KHNYN: variants seen among roughly 807,000 people sequenced by gnomAD.
The protein encoded by KHNYN is KH and NYN domain containing.
Under a neutral mutation model 62.7 loss-of-function variants are expected in KHNYN, and 42 were observed. The ratio of observed to expected loss-of-function variants is 0.67; its 90% confidence interval spans 0.52 to 0.87. KHNYN has a LOEUF of 0.87. Ranked by LOEUF, KHNYN falls within the 40% of genes least tolerant of loss-of-function variation. The pLI, the probability that KHNYN is intolerant of heterozygous loss-of-function variation, is 0.00. For missense variants in KHNYN, 829 were observed against 874.1 expected, an observed-to-expected ratio of 0.95 and a Z score of 0.65; for synonymous variants, 347 against 345.6, an observed-to-expected ratio of 1.00 and a Z score of -0.04.
Position 24,431,012 on chromosome 14 carries a change from C to G in KHNYN, c.201+81C>G, listed in dbSNP as rs1483224158. On this transcript the variant is annotated intron_variant, in intron 2 of 7. Coordinates refer to ENST00000553935, the MANE Select transcript of KHNYN (RefSeq NM_015299.3). Reference sequence around the variant, plus strand: ...CGGAGGAGAGCAGGGCCGAGGAGAGCAGGGAAGAGGAGGGGCCTGGGGAGG... The same window carrying G: ...CGGAGGAGAGCAGGGCCGAGGAGAGGAGGGAAGAGGAGGGGCCTGGGGAGG... 19 of 1,345,638 alleles carry G rather than the reference C, an allele frequency of 1.4e-5. No individual in the cohort carries two copies. The South Asian group carries it at 2.5e-4, about 18-fold the overall frequency. The allele number at this position is 1,345,638 out of a possible 1,614,324, so 83.4% of individuals were successfully genotyped here.
rs200019701 is a variant in KHNYN, at chr14:24,440,415, C to T, written c.*3130C>T. 8.7e-6 allele frequency: 14 copies of T among 1,613,308 alleles called. No homozygotes were observed. Among genetic ancestry groups the T allele is most frequent in the African/African-American group, 6.7e-5 (5 of 74,898 alleles). ...CAGGGGAAGAATTGGTGGCCTGAGC[C>T]GATGGGGCCCCCCAGGCCCAGGCGA... On this transcript the variant is annotated 3_prime_UTR_variant, in exon 8 of 8. Coordinates refer to ENST00000553935, the MANE Select transcript of KHNYN (RefSeq NM_015299.3).
chr14:24,428,930 T>A (rs1179405796), upstream of KHNYN: 1 of 1,558,312 alleles, frequency 6.4e-7, no homozygotes, highest in African/African-American at 1.4e-5. Flanking sequence ...GCACTCCCCC[T>A]CCAGCAGGAC....
rs1360925427 is a variant in KHNYN at position 24,441,278 on chromosome 14, T to C, written c.*3993T>C. The C allele has an allele frequency of 3.6e-5, 16 of 450,526 alleles. No individual in the cohort carries two copies. Among genetic ancestry groups the C allele is most frequent in the Non-Finnish European group, 5.3e-5 (13 of 247,186 alleles). The allele number at this position is 450,526 out of a possible 1,614,324, so 27.9% of individuals were successfully genotyped here. A position where few individuals can be genotyped will look rare whatever the true frequency, so the allele number is the denominator to read the frequency against. On this transcript the variant is annotated 3_prime_UTR_variant, in exon 8 of 8. Transcript: ENST00000553935. The stretch of plus-strand genomic sequence containing the variant: ...AATTTTCACATCTTTAAAATGGGAA[T>C]AATAGTACCTACCTCATAGGGTTGT...
At chr14:24,428,777 C>T, upstream of KHNYN, 3 of 1,601,310 alleles carry the variant, frequency 1.9e-6, no homozygotes, top group Non-Finnish European at 8.5e-7. Context: ...GATGGCCCCA[C>T]TGGTGCCATT....
chr14:24,430,245 T>C (rs1006090366), intron 1 of KHNYN, 126 bp downstream of exon 1: 6 of 803,796 alleles, frequency 7.5e-6, no homozygotes, highest in African/African-American at 1.9e-5. Flanking sequence ...CCCTGGGCCC[T>C]GGGCGGTGCT....
upstream of KHNYN, chr14:24,429,460 A>G: frequency 2.0e-6 from 1 of 490,166 alleles, no homozygotes; most frequent in Admixed American, 2.3e-5. Context: ...CATATGCCAG[A>G]GGCAGCCCCT....
At position 24,438,856 on chromosome 14, in the gene KHNYN, C is replaced by T. The variant is rs10083379; in HGVS notation, c.*1571C>T. 20,687 of 151,970 alleles carry T rather than the reference C, an allele frequency of 0.14. 2,796 individuals carry two copies. Among genetic ancestry groups the T allele is most frequent in the African/African-American group, 0.35 (14,374 of 41,308 alleles). The allele number at this position is 151,970 out of a possible 1,614,324, so 9.4% of individuals were successfully genotyped here. ...GGGAGTCTCTAGACAAGATCTTTTCCAGGCCCTGACTTCTGCCTCCCTCTG... is the reference window on the plus strand; with the variant it reads ...GGGAGTCTCTAGACAAGATCTTTTCTAGGCCCTGACTTCTGCCTCCCTCTG... On this transcript the variant is annotated 3_prime_UTR_variant, in exon 8 of 8. Transcript: ENST00000553935.
chr14:24,434,324 C>A (rs752992550), intron 5 of KHNYN: 5 of 985,262 alleles, frequency 5.1e-6, no homozygotes, highest in Non-Finnish European at 6.0e-6. Context: ...TGTTGCTGAA[C>A]AACATACTGT....
upstream of KHNYN, chr14:24,429,550 T>C (rs1489999839): frequency 8.7e-6 from 4 of 462,316 alleles, no homozygotes; most frequent in Non-Finnish European, 1.2e-5. Flanking sequence ...TTTCCGTTTG[T>C]TGGAAGAAAG....
At chr14:24,426,452 G>C (rs1278382763), upstream of KHNYN, 1 of 152,126 alleles carries the variant, frequency 6.6e-6, no homozygotes, top group East Asian at 1.9e-4. Context: ...TTTAGGATTA[G>C]TGACAGTTCA....
At chr14:24,427,489 G>A (rs536466209), upstream of KHNYN, 6 of 358,382 alleles carry the variant, frequency 1.7e-5, no homozygotes, top group South Asian at 2.8e-5. This position sits in a 1 kb window ranked among gnomAD's most constrained non-coding sequence, Gnocchi z 4.4. Flanking sequence ...AGCAGAGGCC[G>A]CAAAGTAGTG....
At chr14:24,430,435 A>G in intron 1 of KHNYN, 1 of 1,235,746 alleles carries the variant, frequency 8.1e-7, no homozygotes, top group Non-Finnish European at 1.0e-6. Flanking sequence ...GCCGAGCTGG[A>G]GCCCCCCCAC....
At position 24,441,290 on chromosome 14, in the gene KHNYN, C is replaced by T. The variant is rs1299006542; in HGVS notation, c.*4005C>T. 6.7e-6 allele frequency: 3 copies of T among 446,940 alleles called. No individual in the cohort carries two copies. Among genetic ancestry groups the T allele is most frequent in the South Asian group, 2.2e-5 (1 of 45,822 alleles). 27.7% of individuals were successfully genotyped at this position (446,940 alleles called of 1,614,324 possible). On this transcript the variant is annotated 3_prime_UTR_variant, in exon 8 of 8. Transcript: ENST00000553935. ...TTTAAAATGGGAATAATAGTACCTA[C>T]CTCATAGGGTTGTTGTAAGGAATAA...
At chr14:24,428,739 G>A (rs1223159324), upstream of KHNYN, 3 of 1,567,862 alleles carry the variant, frequency 1.9e-6, no homozygotes, top group Non-Finnish European at 2.6e-6. Context: ...CCCCTGGACA[G>A]GGGTAGGGGG....
At chr14:24,424,382 A>T (rs932009583), upstream of KHNYN, among the ~76,000 whole-genome samples, 1 of 152,222 alleles carries the variant, frequency 6.6e-6, no homozygotes, top group Admixed American at 6.5e-5. Context: ...TACGTTTTCC[A>T]TGCAGTGGTA....
Position 24,432,631 on chromosome 14 carries a change from A to G in KHNYN, c.1349+21A>G. ...ATGGTGTGAGTACCTGGTGGGGCTA[A>G]GGGCCTAGGAGAGGGAGGATATGTC... On this transcript the variant is annotated intron_variant, in intron 3 of 7. Coordinates refer to ENST00000553935, the MANE Select transcript of KHNYN (RefSeq NM_015299.3). This position sits in a 1 kb window ranked among gnomAD's most constrained non-coding sequence, Gnocchi z 5.6. 6.2e-7 allele frequency: 1 copy of G among 1,608,810 alleles called. No homozygotes were observed. The highest frequency in any genetic ancestry group is 1.7e-5 in the Admixed American group (1 of 59,836).
Position 24,439,968 on chromosome 14 carries a change from G to T in KHNYN, c.*2683G>T. The T allele has an allele frequency of 1.3e-6, 1 of 787,998 alleles. No individual in the cohort carries two copies. The highest frequency in any genetic ancestry group is 2.0e-6 in the Non-Finnish European group (1 of 505,208). 48.8% of individuals were successfully genotyped at this position (787,998 alleles called of 1,614,324 possible). On this transcript the variant is annotated 3_prime_UTR_variant, in exon 8 of 8. Transcript: ENST00000553935. ...CAACAGAACAATGGGAAAGAGGACT[G>T]GGAGAGGAATCTAAGAACCAGATGG...
At chr14:24,434,530 G>A (rs769554891) in intron 5 of KHNYN, 22 of 216,918 alleles carry the variant, frequency 1.0e-4, no homozygotes, top group Non-Finnish European at 4.7e-5. Context: ...TCAGCCTCCC[G>A]AGTAGCTGGG....
chr14:24,431,375 C>G (rs183569075), intron 2 of KHNYN, 88 bp from the exon 3 acceptor site: 1 of 1,050,932 alleles, frequency 9.5e-7, no homozygotes, highest in Non-Finnish European at 1.4e-6. Flanking sequence ...CTCCAGACAT[C>G]CTGGAGCTCA....
Sources: allele counts gnomAD v4.1 joint callset (sites outside exome capture counted in the v4.1 genomes callset), GRCh38; gene constraint gnomAD v4.1.1; non-coding constraint Gnocchi (gnomAD v3.1); transcripts MANE v1.5; gene names NCBI Gene and HGNC (gene_info 2026-07-23, HGNC 2026-07-21).